The following HOMER1 variants were observed in gnomAD, a reference collection of about 807,000 sequenced individuals.
The protein encoded by HOMER1 is homer scaffold protein 1, also known as homer protein homolog 1.
A neutral mutation model predicts 48.9 loss-of-function variants in HOMER1; 3 were observed. The ratio of observed to expected loss-of-function variants is 0.06; its 90% CI spans 0.03 to 0.16. HOMER1 has a LOEUF of 0.16. HOMER1 is among the 10% of genes least tolerant of loss of function. The probability of loss-of-function intolerance (pLI) is 1.00; values close to 1 mark genes in which losing one functional copy is unlikely to be tolerated. For synonymous variants in HOMER1, 134 were observed against 146.4 expected (o/e 0.92, Z 0.61); for missense variants, 247 against 411.4 (o/e 0.60, Z 3.46).
At chr5:79,377,460 C>T (rs371336782) in intron 8 of HOMER1, among the ~76,000 whole-genome samples, 7 of 152,220 alleles carry the variant, frequency 4.6e-5, no homozygotes, top group East Asian at 3.9e-4. Flanking sequence ...GTTATATATC[C>T]GTTCTGGAAA....
At chr5:79,424,501 G>T (rs1455451996) in intron 5 of HOMER1, among the ~76,000 whole-genome samples, 1 of 151,798 alleles carries the variant, frequency 6.6e-6, no homozygotes, top group African/African-American at 2.4e-5. Context: ...CATAACTATG[G>T]GAAAGCATTT....
intron 8 of HOMER1, among the ~76,000 whole-genome samples, chr5:79,391,131 G>T (rs532741598): frequency 0.045 from 4,624 of 103,438 alleles, 242 homozygotes; most frequent in African/African-American, 0.2. Flanking sequence ...AATTTTGTGG[G>T]TTTTTTTTTT....
At chr5:79,398,458 A>C (rs1749450501) in intron 6 of HOMER1, among the ~76,000 whole-genome samples, 1 of 152,114 alleles carries the variant, frequency 6.6e-6, no homozygotes, top group Non-Finnish European at 1.5e-5. Flanking sequence ...GGCATTTTCC[A>C]AATATCAAAT....
At chr5:79,392,458 TA>T (rs1222517406) in intron 8 of HOMER1, among the ~76,000 whole-genome samples, 1 of 152,214 alleles carries the variant, frequency 6.6e-6, no homozygotes, top group Admixed American at 6.5e-5. Context: ...AAACATTTTT[TA>T]ATAGGAAGAA....
intron 8 of HOMER1, among the ~76,000 whole-genome samples, chr5:79,384,969 T>C (rs1177298183): frequency 6.6e-6 from 1 of 152,020 alleles, no homozygotes; most frequent in Non-Finnish European, 1.5e-5. Context: ...CTCAAAAAAC[T>C]AGGCACAGAA....
chr5:79,459,133 T>C (rs1381563469), intron 1 of HOMER1, among the ~76,000 whole-genome samples: 1 of 151,998 alleles, frequency 6.6e-6, no homozygotes, highest in East Asian at 1.9e-4. Context: ...TGGTAGGGGT[T>C]AAGTTTCCTA....
intron 5 of HOMER1, among the ~76,000 whole-genome samples, chr5:79,434,964 T>A (rs1750534087): frequency 6.6e-6 from 1 of 152,162 alleles, no homozygotes; most frequent in Non-Finnish European, 1.5e-5. Flanking sequence ...TATTTGTGAA[T>A]TTGCTTTAAG....
At chr5:79,498,391 T>C (rs573023612) in intron 1 of HOMER1, among the ~76,000 whole-genome samples, 7 of 152,134 alleles carry the variant, frequency 4.6e-5, no homozygotes, top group Non-Finnish European at 1.0e-4. Context: ...AGTGAAACTA[T>C]GTCTCAAAAA....
chr5:79,386,190 A>G (rs1428574083), intron 8 of HOMER1, among the ~76,000 whole-genome samples: 2 of 152,232 alleles, frequency 1.3e-5, no homozygotes, highest in African/African-American at 4.8e-5. Context: ...CACTATTCAC[A>G]ATACTAAAGA....
At chr5:79,439,434 A>G (rs1329594095) in intron 4 of HOMER1, among the ~76,000 whole-genome samples, 1 of 152,264 alleles carries the variant, frequency 6.6e-6, no homozygotes, top group African/African-American at 2.4e-5. Flanking sequence ...GTTTCGAATA[A>G]TTTAAAAATG....
At chr5:79,398,914 C>T (rs1297170257) in intron 6 of HOMER1, among the ~76,000 whole-genome samples, 1 of 152,204 alleles carries the variant, frequency 6.6e-6, no homozygotes, top group Non-Finnish European at 1.5e-5. Context: ...TAACTCTTAG[C>T]TCAGCATGTG....
At chr5:79,438,926 G>A (rs1393425829) in intron 5 of HOMER1, 84 bp downstream of exon 5, 47 of 1,101,690 alleles carry the variant, frequency 4.3e-5, no homozygotes, top group South Asian at 1.8e-4. Flanking sequence ...TTCACTCAAA[G>A]CTTGTAACTA....
intron 4 of HOMER1, among the ~76,000 whole-genome samples, chr5:79,446,804 A>AT (rs35036295): frequency 0.41 from 41,890 of 101,658 alleles, 8,836 homozygotes; most frequent in South Asian, 0.59. Flanking sequence ...CACTTGGCTA[A>AT]TTTTTTTTTT....
At chr5:79,485,975 T>C (rs1300320822) in intron 1 of HOMER1, among the ~76,000 whole-genome samples, 1 of 152,166 alleles carries the variant, frequency 6.6e-6, no homozygotes, top group African/African-American at 2.4e-5. Flanking sequence ...CACTGTGTAC[T>C]TCTTGAGTCT....
rs139227773 is a variant in HOMER1, at chr5:79,485,028, T to C, written c.5+27742A>G. Among the ~76,000 whole-genome samples the C allele has an allele frequency of 5.9e-5, 9 of 152,270 alleles. No homozygotes were observed. The East Asian group carries it at 1.7e-3, about 29-fold the overall frequency. Reference sequence around the variant, plus strand: ...ATTCTCTTTTCCCTGCCCAGTCTGCTGGGGGCTGAGAAACCTGATAACCAA... The same window carrying C: ...ATTCTCTTTTCCCTGCCCAGTCTGCCGGGGGCTGAGAAACCTGATAACCAA... On this transcript the variant is annotated intron_variant, in intron 1 of 8. Coordinates refer to ENST00000334082, the MANE Select transcript of HOMER1 (RefSeq NM_004272.5).
At chr5:79,407,054 T>TCGACCAAAA (rs1372772512) in intron 5 of HOMER1, among the ~76,000 whole-genome samples, 1 of 152,036 alleles carries the variant, frequency 6.6e-6, no homozygotes, top group Non-Finnish European at 1.5e-5. Context: ...AAAAGATGAG[T>TCGACCAAAA]GTCGAGCAGT....
chr5:79,447,012 T>C, intron 4 of HOMER1, 41 bp downstream of exon 4: 1 of 1,184,458 alleles, frequency 8.4e-7, no homozygotes, highest in Non-Finnish European at 1.3e-6. Context: ...TTATCTGAAA[T>C]GAACAAGGTT....
At position 79,491,450 on chromosome 5, in the gene HOMER1, A is replaced by AC. The variant is rs1752275981; in HGVS notation, c.5+21319_5+21320insG. On this transcript the variant is annotated intron_variant, in intron 1 of 8. Coordinates refer to ENST00000334082, the MANE Select transcript of HOMER1 (RefSeq NM_004272.5). ...CGAGACCTTGTCTCAAAAAAAAAAA[A>AC]AAAAAAAAAAAAGGAGTTAAAAAAT... is the stretch of plus-strand genomic sequence containing the variant. Among the ~76,000 whole-genome samples the AC allele has an allele frequency of 2.6e-5, 4 of 151,272 alleles. No individual in the cohort carries two copies. In the South Asian group the frequency reaches 8.4e-4, roughly 32 times the overall value.
intron 5 of HOMER1, among the ~76,000 whole-genome samples, chr5:79,417,060 G>A (rs556348442): frequency 1.3e-5 from 2 of 152,168 alleles, no homozygotes; most frequent in African/African-American, 4.8e-5. Context: ...ATTGACCCAA[G>A]GTGATGCTGT....
Sources: gnomAD v4.1 joint callset for allele counts (sites outside exome capture counted in the v4.1 genomes callset) on GRCh38, gnomAD v4.1.1 for gene constraint, MANE v1.5 for transcripts, NCBI Gene and HGNC (gene_info 2026-07-23, HGNC 2026-07-21) for gene names.